Variants in WDR47 observed in about 807,000 individuals in gnomAD.
WDR47 encodes WD repeat-containing protein 47.
Under a neutral mutation model 97.2 loss-of-function variants are expected in WDR47, and 32 were observed. The observed-to-expected ratio is 0.33, with a 90% confidence interval of 0.25 to 0.44. The LOEUF is 0.44. WDR47 is among the 20% of genes least tolerant of loss of function. The pLI is 1.00. For missense variants in WDR47, 782 were observed against 1,102.3 expected, an observed-to-expected ratio of 0.71 and a Z score of 4.11; for synonymous variants, 375 against 373.5, an observed-to-expected ratio of 1.00 and a Z score of -0.05.
chr1:108,997,523 G>A (rs547937621), intron 7 of WDR47, among the ~76,000 whole-genome samples: 11 of 151,940 alleles, frequency 7.2e-5, no homozygotes, highest in African/African-American at 1.4e-4. Flanking sequence ...TTGGGAGACC[G>A]AGGCGGGCGG....
chr1:109,028,370 T>TTG (rs1553237214), intron 1 of WDR47, among the ~76,000 whole-genome samples: 1 of 134,396 alleles, frequency 7.4e-6, no homozygotes, highest in Non-Finnish European at 1.6e-5. Context: ...GGGTTTTTTT[T>TTG]TTTTTTTTTT....
chr1:109,005,818 G>A (rs554460288), intron 5 of WDR47, among the ~76,000 whole-genome samples: 5 of 152,036 alleles, frequency 3.3e-5, no homozygotes, highest in African/African-American at 9.6e-5. Flanking sequence ...ACAGCGAGCC[G>A]AGATCACGCG....
rs746377105 is a variant in WDR47 at position 108,995,828 on chromosome 1, T to C, written c.1443A>G (p.Gln481=). 10 of 1,613,776 alleles carry C rather than the reference T, an allele frequency of 6.2e-6. No homozygotes were observed. Among genetic ancestry groups the C allele is most frequent in the Non-Finnish European group, 8.5e-6 (10 of 1,179,738 alleles). Residue 481 remains glutamine, a synonymous_variant, in exon 8 of 15, where the codon CAA becomes CAG. Transcript: ENST00000369962. The part of the protein sequence containing the change: ...LTEQFLNRSI[Q]KLGELNIGMD... ...TTCCAATATTTAATTCACCAAGCTTTTGAATGGACCTATAAAATTAAACAA... is the reference window on the plus strand; with the variant it reads ...TTCCAATATTTAATTCACCAAGCTTCTGAATGGACCTATAAAATTAAACAA...
intron 6 of WDR47, among the ~76,000 whole-genome samples, chr1:109,004,091 C>T (rs1660400447): frequency 6.6e-6 from 1 of 151,766 alleles, no homozygotes; most frequent in African/African-American, 2.4e-5. Flanking sequence ...GGTGAAATCC[C>T]GTCTCTACTA....
intron 1 of WDR47, among the ~76,000 whole-genome samples, chr1:109,028,407 T>C (rs1662378328): frequency 1.6e-5 from 2 of 127,790 alleles, no homozygotes; most frequent in African/African-American, 5.8e-5. Flanking sequence ...TTTCGCCATG[T>C]TGCCCAGGCT....
chr1:109,025,243 G>A (rs1210166973), intron 1 of WDR47, among the ~76,000 whole-genome samples: 1 of 151,608 alleles, frequency 6.6e-6, no homozygotes, highest in Non-Finnish European at 1.5e-5. Context: ...TGCGAGACAA[G>A]CCTGGGCAAC....
chr1:108,988,802 G>C (rs111449249), intron 9 of WDR47, among the ~76,000 whole-genome samples: 1 of 151,714 alleles, frequency 6.6e-6, no homozygotes, highest in Non-Finnish European at 1.5e-5. Flanking sequence ...CTACTGCTCA[G>C]GCTGGAGTGC....
intron 1 of WDR47, among the ~76,000 whole-genome samples, chr1:109,035,747 C>A (rs572684011): frequency 5.1e-4 from 78 of 151,976 alleles, no homozygotes; most frequent in African/African-American, 1.8e-3. Context: ...CCACCCACCT[C>A]GGTCTCCCAA....
In WDR47 at chr1:109,004,648, T is replaced by C; in HGVS notation, c.1198A>G (p.Lys400Glu). Residue 400 changes from lysine to glutamate, a missense_variant, in exon 6 of 15, where the codon AAA becomes GAA. Physicochemically the swap from Lys to Glu is moderately conservative, Grantham distance 56. This residue lies in a region of WDR47 where 428 missense variants were observed against 584.3 expected (regional missense o/e 0.73). Transcript: ENST00000369962. Reference sequence around the variant, plus strand: ...TTCTGTGCTCCATTTGCAGGCTCTTTTTCTGAAACTGAACTCTGGCCCAAG... The same window carrying C: ...TTCTGTGCTCCATTTGCAGGCTCTTCTTCTGAAACTGAACTCTGGCCCAAG... Reference protein sequence around the residue: ...EILGQSSVSEKEPANGAQNPG... With the variant: ...EILGQSSVSEEEPANGAQNPG... 1 of 1,613,858 alleles carries C rather than the reference T, an allele frequency of 6.2e-7. No individual in the cohort carries two copies. Among genetic ancestry groups the C allele is most frequent in the Non-Finnish European group, 8.5e-7 (1 of 1,179,860 alleles).
At chr1:109,006,163 G>C (rs919262188) in intron 5 of WDR47, among the ~76,000 whole-genome samples, 2 of 152,158 alleles carry the variant, frequency 1.3e-5, no homozygotes, top group African/African-American at 4.8e-5. Context: ...GGGAGGCCGA[G>C]GGTGGCAGAT....
At position 109,012,572 on chromosome 1, in the gene WDR47, C is replaced by CAAAAAA. The variant is rs57237933; in HGVS notation, c.328-860_328-855dup. On this transcript the variant is annotated intron_variant, in intron 4 of 14. Transcript: ENST00000369962. ...TGGGTGACAGTGTGAGACTCCATCT[C>CAAAAAA]AAAAAAAAAAAAAAAAAACAGAAAG... 2.6e-3 allele frequency among the ~76,000 whole-genome samples: 190 copies of CAAAAAA among 73,362 alleles called. 11 individuals are homozygous for CAAAAAA. Among genetic ancestry groups the CAAAAAA allele is most frequent in the African/African-American group, 5.3e-3 (88 of 16,680 alleles). The allele number at this position is 73,362 out of a possible 152,430, so 48.1% of individuals were successfully genotyped here.
intron 1 of WDR47, among the ~76,000 whole-genome samples, chr1:109,040,181 C>T (rs1342130374): frequency 6.6e-6 from 1 of 151,918 alleles, no homozygotes; most frequent in Non-Finnish European, 1.5e-5. Flanking sequence ...GCAGCTCTTA[C>T]AAGAATGCAA....
intron 3 of WDR47, among the ~76,000 whole-genome samples, chr1:109,016,281 C>T (rs984663999): frequency 1.3e-5 from 2 of 151,922 alleles, no homozygotes. Flanking sequence ...CACACGCCTG[C>T]AGTCCCAGCC....
intron 13 of WDR47, among the ~76,000 whole-genome samples, chr1:108,976,839 T>A (rs1452298431): frequency 6.6e-6 from 1 of 152,130 alleles, no homozygotes; most frequent in Non-Finnish European, 1.5e-5. Flanking sequence ...GAGCTTGGCA[T>A]GTTCCAGGAA....
Position 109,012,586 on chromosome 1 carries a change from A to AAAC in WDR47, c.328-869_328-868insGTT, listed in dbSNP as rs1305297653. Reference sequence around the variant, plus strand: ...AGACTCCATCTCAAAAAAAAAAAAAAAAAACAGAAAGGGAATGCCTAAAGT... The same window carrying AAAC: ...AGACTCCATCTCAAAAAAAAAAAAAAAACAAAACAGAAAGGGAATGCCTAAAGT... On this transcript the variant is annotated intron_variant, in intron 4 of 14. Coordinates refer to ENST00000369962, the MANE Select transcript of WDR47 (RefSeq NM_001142551.2). Among the ~76,000 whole-genome samples, 62 of 151,346 alleles carry AAAC rather than the reference A, an allele frequency of 4.1e-4. 3 individuals are homozygous for AAAC. The East Asian group carries it at 0.012, about 28-fold the overall frequency.
At chr1:109,013,480 A>G (rs1356433159) in intron 4 of WDR47, among the ~76,000 whole-genome samples, 1 of 152,158 alleles carries the variant, frequency 6.6e-6, no homozygotes, top group African/African-American at 2.4e-5. Flanking sequence ...ATCAAAGACA[A>G]TACAGAAAAG....
At chr1:109,026,064 A>T (rs1209423252) in intron 1 of WDR47, among the ~76,000 whole-genome samples, 15 of 145,372 alleles carry the variant, frequency 1.0e-4, no homozygotes, top group African/African-American at 3.3e-4. Context: ...TTTTTTTTTT[A>T]AAGACAGGGT....
At chr1:109,019,121 A>G (rs1661633085) in intron 2 of WDR47, among the ~76,000 whole-genome samples, 1 of 151,780 alleles carries the variant, frequency 6.6e-6, no homozygotes, top group Admixed American at 6.6e-5. Flanking sequence ...TGGGCCAGGC[A>G]TGGTGGCTGT....
rs544843076 is a variant in WDR47 at position 109,039,736 on chromosome 1, T to G, written c.-10+2126A>C. 8.6e-4 allele frequency among the ~76,000 whole-genome samples: 131 copies of G among 152,120 alleles called. 1 individual carries two copies. The highest frequency in any genetic ancestry group is 3.1e-3 in the African/African-American group (130 of 41,538). The stretch of plus-strand genomic sequence containing the variant: ...TCTGAAGACCTGGGTTCAAGTCTTC[T>G]GTTCAAAAATAATATACAGGGTCAG... On this transcript the variant is annotated intron_variant, in intron 1 of 14. Coordinates refer to ENST00000369962, the MANE Select transcript of WDR47 (RefSeq NM_001142551.2).
Sources: gnomAD v4.1 joint callset for allele counts (sites outside exome capture counted in the v4.1 genomes callset) on GRCh38, gnomAD v4.1.1 for gene constraint, gnomAD v4.1.1 regional missense constraint, MANE v1.5 for transcripts, NCBI Gene and HGNC (gene_info 2026-07-23, HGNC 2026-07-21) for gene names.